The following KCND2 variants were observed in gnomAD, a reference collection of about 807,000 sequenced individuals.
KCND2 encodes A-type voltage-gated potassium channel KCND2.
KCND2 carries 16 observed loss-of-function variants against 54.4 expected under a neutral mutation model. That is an observed-to-expected ratio of 0.29 (90% CI 0.20 to 0.45). KCND2 has a LOEUF of 0.45. Among genes scored for constraint, KCND2 ranks in the 20% least tolerant of loss-of-function variants. The pLI is 1.00. For synonymous variants in KCND2, 317 were observed against 310.7 expected (o/e 1.02, Z -0.21); for missense variants, 486 against 824.2 (o/e 0.59, Z 5.02).
At chr7:120,480,147 A>T (rs1427783333) in intron 1 of KCND2, among the ~76,000 whole-genome samples, 3 of 152,016 alleles carry the variant, frequency 2.0e-5, no homozygotes, top group African/African-American at 7.2e-5. Context: ...AATATAAAAA[A>T]TTATCTATTT....
intron 1 of KCND2, among the ~76,000 whole-genome samples, chr7:120,528,926 C>G (rs1791810061): frequency 6.6e-6 from 1 of 152,148 alleles, no homozygotes; most frequent in African/African-American, 2.4e-5. Flanking sequence ...TTGCTTCCTA[C>G]AGTTATTTTT....
At chr7:120,352,894 GA>G (rs1800436307) in intron 1 of KCND2, among the ~76,000 whole-genome samples, 1 of 152,010 alleles carries the variant, frequency 6.6e-6, no homozygotes, top group Non-Finnish European at 1.5e-5. Context: ...TGAAATAAGT[GA>G]ATATAAGTTA....
chr7:120,605,287 A>G (rs993761364), intron 1 of KCND2, among the ~76,000 whole-genome samples: 13 of 152,178 alleles, frequency 8.5e-5, no homozygotes, highest in African/African-American at 7.2e-5. Flanking sequence ...GAATTTGCCT[A>G]TTCTAGACAC....
chr7:120,392,913 A>C (rs1801099320), intron 1 of KCND2, among the ~76,000 whole-genome samples: 1 of 152,058 alleles, frequency 6.6e-6, no homozygotes, highest in African/African-American at 2.4e-5. Flanking sequence ...TACACTGTAG[A>C]GTCTAGCATT....
chr7:120,321,203 G>C (rs1799889062), intron 1 of KCND2, among the ~76,000 whole-genome samples: 2 of 152,136 alleles, frequency 1.3e-5, no homozygotes, highest in South Asian at 4.1e-4. Flanking sequence ...ATACTAAGAA[G>C]TAAACTAATA....
intron 2 of KCND2, 57 bp from the exon 3 acceptor site, chr7:120,741,477 C>A: frequency 8.5e-7 from 1 of 1,177,330 alleles, no homozygotes; most frequent in African/African-American, 1.5e-5. Flanking sequence ...GGTTCATTCA[C>A]TGTTTTAAGG....
chr7:120,322,564 A>G lies in KCND2; in HGVS notation c.1115+46817A>G, dbSNP rs114324763. On this transcript the variant is annotated intron_variant, in intron 1 of 5. Transcript: ENST00000331113. ...TGTAACTTATGGTTGTGATTCTACAATTTTGTGTAGCTTGCATAATGAGAT... is the reference window on the plus strand; with the variant it reads ...TGTAACTTATGGTTGTGATTCTACAGTTTTGTGTAGCTTGCATAATGAGAT... 8.4e-3 allele frequency among the ~76,000 whole-genome samples: 1,279 copies of G among 152,292 alleles called. 14 individuals carry two copies. The highest frequency in any genetic ancestry group is 0.029 in the African/African-American group (1,196 of 41,566).
chr7:120,721,201 A>G lies in KCND2; in HGVS notation c.1116-11702A>G, dbSNP rs553368157. On this transcript the variant is annotated intron_variant, in intron 1 of 5. Coordinates refer to ENST00000331113, the MANE Select transcript of KCND2 (RefSeq NM_012281.3). The stretch of plus-strand genomic sequence containing the variant: ...TTGTTGATTTTTCTTAACTACATAG[A>G]GTAAGAATACAACCACAGGGCATAT... Among the ~76,000 whole-genome samples, 284 of 152,280 alleles carry G rather than the reference A, an allele frequency of 1.9e-3. 1 individual carries two copies. The highest frequency in any genetic ancestry group is 8.9e-3 in the South Asian group (43 of 4,826).
intron 1 of KCND2, among the ~76,000 whole-genome samples, chr7:120,641,157 A>C (rs2116530199): frequency 6.6e-6 from 1 of 152,180 alleles, no homozygotes; most frequent in Admixed American, 6.5e-5. Flanking sequence ...TCAAAGTTTC[A>C]CTTAAGCCAG....
At chr7:120,626,204 A>T (rs1793161853) in intron 1 of KCND2, among the ~76,000 whole-genome samples, 1 of 152,142 alleles carries the variant, frequency 6.6e-6, no homozygotes, top group South Asian at 2.1e-4. Context: ...TTGTTTCTAC[A>T]TAAAAAACCA....
intron 1 of KCND2, among the ~76,000 whole-genome samples, chr7:120,656,285 C>G (rs1282863413): frequency 6.6e-6 from 1 of 151,928 alleles, no homozygotes; most frequent in Non-Finnish European, 1.5e-5. Flanking sequence ...GTGGAACATA[C>G]CGAAAATACT....
chr7:120,738,769 A>G (rs2116165944), intron 2 of KCND2, among the ~76,000 whole-genome samples: 2 of 152,170 alleles, frequency 1.3e-5, no homozygotes, highest in East Asian at 3.9e-4. Flanking sequence ...TGGTGCTGCC[A>G]AGATTGTCAT....
chr7:120,537,338 T>C (rs1471403221), intron 1 of KCND2, among the ~76,000 whole-genome samples: 1 of 152,210 alleles, frequency 6.6e-6, no homozygotes, highest in Non-Finnish European at 1.5e-5. Flanking sequence ...TAAACCCATA[T>C]GCTGTCGTCA....
At chr7:120,476,765 T>C (rs1236576988) in intron 1 of KCND2, among the ~76,000 whole-genome samples, 1 of 152,156 alleles carries the variant, frequency 6.6e-6, no homozygotes, top group African/African-American at 2.4e-5. Flanking sequence ...TTGTGTTGAC[T>C]CATATTATAG....
intron 1 of KCND2, among the ~76,000 whole-genome samples, chr7:120,663,531 T>C (rs983714992): frequency 6.6e-6 from 1 of 152,134 alleles, no homozygotes; most frequent in South Asian, 2.1e-4. Context: ...AGGATAGATA[T>C]AACAATAGAA....
At position 120,651,682 on chromosome 7, in the gene KCND2, G is replaced by A. The variant is rs540726731; in HGVS notation, c.1116-81221G>A. 2.0e-4 allele frequency among the ~76,000 whole-genome samples: 30 copies of A among 152,262 alleles called. No individual in the cohort carries two copies. In the East Asian group the frequency reaches 2.5e-3, roughly 13 times the overall value. On this transcript the variant is annotated intron_variant, in intron 1 of 5. Coordinates refer to ENST00000331113, the MANE Select transcript of KCND2 (RefSeq NM_012281.3). ...AACCTGGTATCTCGGTTGGAAATGC[G>A]GAAATCATCCATCTTCTGTGTCACT...
chr7:120,426,588 G>GTTTT (rs1168044122), intron 1 of KCND2, among the ~76,000 whole-genome samples: 2 of 96,642 alleles, frequency 2.1e-5, no homozygotes, highest in African/African-American at 3.9e-5. Context: ...GTTTTTCTTT[G>GTTTT]TTTTTTTTTT....
intron 1 of KCND2, among the ~76,000 whole-genome samples, chr7:120,387,186 A>G (rs1192545136): frequency 2.0e-5 from 3 of 152,112 alleles, no homozygotes; most frequent in African/African-American, 4.8e-5. Context: ...TAGACTCTCA[A>G]TAAATATTTG....
chr7:120,421,726 T>C (rs1052598791), intron 1 of KCND2, among the ~76,000 whole-genome samples: 6 of 152,252 alleles, frequency 3.9e-5, no homozygotes, highest in African/African-American at 1.2e-4. Context: ...CTTTTAGTTA[T>C]GGCAATACAA....
Sources: allele counts gnomAD v4.1 joint callset (sites outside exome capture counted in the v4.1 genomes callset), GRCh38; gene constraint gnomAD v4.1.1; transcripts MANE v1.5; gene names NCBI Gene and HGNC (gene_info 2026-07-23, HGNC 2026-07-21).